The following SLC25A16 variants were observed in gnomAD, a reference collection of about 807,000 sequenced individuals.
SLC25A16 encodes the protein mitochondrial coenzyme A transporter SLC25A16.
In SLC25A16, 39 loss-of-function variants were observed where a neutral mutation model predicts 41.5. The observed-to-expected ratio is 0.94, with a 90% CI of 0.73 to 1.23. SLC25A16 has a LOEUF of 1.23. Ranked by LOEUF, SLC25A16 falls within the 50% of genes most tolerant of loss-of-function variation. The pLI is 0.00. For synonymous variants in SLC25A16, 146 were observed against 147.8 expected (o/e 0.99, Z 0.09); for missense variants, 421 against 426.9 (o/e 0.99, Z 0.12).
Position 68,524,154 on chromosome 10 carries a change from C to A in SLC25A16, c.130+3092G>T, listed in dbSNP as rs374588648. 2.8e-3 allele frequency among the ~76,000 whole-genome samples: 418 copies of A among 151,548 alleles called. 3 individuals are homozygous for A. The highest frequency in any genetic ancestry group is 9.4e-3 in the African/African-American group (388 of 41,308). Reference sequence around the variant, plus strand: ...TGAAACCCCGTCTCTACTAAAAATACAAAAAATTAGCCGGGCGTGGTGGCG... The same window carrying A: ...TGAAACCCCGTCTCTACTAAAAATAAAAAAAATTAGCCGGGCGTGGTGGCG... On this transcript the variant is annotated intron_variant, in intron 1 of 8. Coordinates refer to ENST00000609923, the MANE Select transcript of SLC25A16 (RefSeq NM_152707.4).
intron 4 of SLC25A16, among the ~76,000 whole-genome samples, chr10:68,500,791 G>T (rs928556947): frequency 6.6e-6 from 1 of 151,164 alleles, no homozygotes; most frequent in African/African-American, 2.4e-5. Flanking sequence ...AATTAGCCAG[G>T]TATGTGGCAC....
intron 1 of SLC25A16, among the ~76,000 whole-genome samples, chr10:68,524,862 G>A (rs139925596): frequency 0.024 from 3,678 of 151,684 alleles, 158 homozygotes; most frequent in African/African-American, 0.084. Context: ...GGCCGACAGA[G>A]TGAGACTCCA....
intron 3 of SLC25A16, among the ~76,000 whole-genome samples, chr10:68,505,410 T>G (rs184623384): frequency 6.2e-4 from 95 of 152,174 alleles, no homozygotes; most frequent in African/African-American, 2.2e-3. Flanking sequence ...TAAAAATATA[T>G]TAATATTATA....
At chr10:68,515,629 T>C (rs1477079673) in intron 2 of SLC25A16, among the ~76,000 whole-genome samples, 1 of 151,672 alleles carries the variant, frequency 6.6e-6, no homozygotes, top group East Asian at 2.0e-4. Context: ...AGAAACCCCA[T>C]CTCTACTAAA....
chr10:68,479,477 G>A lies in SLC25A16; in HGVS notation c.*3955C>T, dbSNP rs2052461153. On this transcript the variant is annotated 3_prime_UTR_variant, in exon 9 of 9. Transcript: ENST00000609923. Reference sequence around the variant, plus strand: ...CTGACACAAGGTCTGGCACACAATTGGTGCTGAATAAATGGATGGTCAGTA... The same window carrying A: ...CTGACACAAGGTCTGGCACACAATTAGTGCTGAATAAATGGATGGTCAGTA... 1 of 152,162 alleles carries A rather than the reference G, an allele frequency of 6.6e-6. No individual in the cohort carries two copies. The highest frequency in any genetic ancestry group is 2.4e-5 in the African/African-American group (1 of 41,426). 9.4% of individuals were successfully genotyped at this position (152,162 alleles called of 1,614,324 possible).
At chr10:68,510,480 T>C (rs564178606) in intron 2 of SLC25A16, among the ~76,000 whole-genome samples, 2 of 152,028 alleles carry the variant, frequency 1.3e-5, no homozygotes, top group South Asian at 4.2e-4. Flanking sequence ...AGGCCAAGGT[T>C]GCAGTGAGCC....
chr10:68,515,801 A>AAAAT (rs56896620), intron 2 of SLC25A16, among the ~76,000 whole-genome samples: 95 of 151,660 alleles, frequency 6.3e-4, no homozygotes, highest in Middle Eastern at 6.8e-3. Flanking sequence ...TCTGCCTCAA[A>AAAAT]AAATAAATAA....
At chr10:68,509,743 C>CTATATCTATATATATATCTATA in intron 2 of SLC25A16, among the ~76,000 whole-genome samples, 1 of 144,664 alleles carries the variant, frequency 6.9e-6, no homozygotes, top group Non-Finnish European at 1.5e-5. Flanking sequence ...ATATATATAT[C>CTATATCTATATATATATCTATA]TATATATATA....
intron 4 of SLC25A16, chr10:68,499,705 G>C (rs2052808700): frequency 8.0e-6 from 3 of 373,916 alleles, no homozygotes. Context: ...AGGTCAGGTT[G>C]TATGAGGACA....
chr10:68,486,295 G>C (rs1295436947), intron 8 of SLC25A16, among the ~76,000 whole-genome samples: 2 of 150,406 alleles, frequency 1.3e-5, no homozygotes, highest in East Asian at 4.0e-4. Context: ...AGGTCTCACT[G>C]TGTTGCCTGG....
In SLC25A16 at chr10:68,509,743, C is replaced by CTATATCTATATCTATATCTATATCTA. The variant is rs1564923024; in HGVS notation, c.224-3026_224-3025insTAGATATAGATATAGATATAGATATA. On this transcript the variant is annotated intron_variant, in intron 2 of 8. Coordinates refer to ENST00000609923, the MANE Select transcript of SLC25A16 (RefSeq NM_152707.4). ...TATATCTATCTATCTATATATATAT[C>CTATATCTATATCTATATCTATATCTA]TATATATATAGATATATAGATATAG... Among the ~76,000 whole-genome samples the CTATATCTATATCTATATCTATATCTA allele has an allele frequency of 3.0e-3, 437 of 144,614 alleles. 4 individuals are homozygous for CTATATCTATATCTATATCTATATCTA. The highest frequency in any genetic ancestry group is 0.011 in the African/African-American group (418 of 38,566). The allele number at this position is 144,614 out of a possible 152,430, so 94.9% of individuals were successfully genotyped here.
intron 2 of SLC25A16, among the ~76,000 whole-genome samples, chr10:68,515,182 C>A (rs2053139885): frequency 6.7e-6 from 1 of 149,942 alleles, no homozygotes; most frequent in South Asian, 2.1e-4. Context: ...CATAGAGAAA[C>A]CCCGTCTCTA....
At chr10:68,521,729 G>C in intron 1 of SLC25A16, among the ~76,000 whole-genome samples, 1 of 149,880 alleles carries the variant, frequency 6.7e-6, no homozygotes, top group Non-Finnish European at 1.5e-5. Flanking sequence ...AAGTAGCTGG[G>C]ACTACAGGCG....
intron 4 of SLC25A16, chr10:68,499,562 C>A (rs1225638661): frequency 4.1e-6 from 1 of 243,454 alleles, no homozygotes; most frequent in South Asian, 5.9e-5. Context: ...GACTTCCAAC[C>A]GAGGCAAGAA....
At chr10:68,508,880 GTATCGAGGGGGTTTC>G (rs2053005745) in intron 2 of SLC25A16, among the ~76,000 whole-genome samples, 1 of 152,136 alleles carries the variant, frequency 6.6e-6, no homozygotes, top group Non-Finnish European at 1.5e-5. Context: ...TAAGGTAGAA[GTATCGAGGGGGTTTC>G]AACTACACTG....
chr10:68,494,198 C>T (rs1169832183), intron 4 of SLC25A16, among the ~76,000 whole-genome samples: 1 of 152,162 alleles, frequency 6.6e-6, no homozygotes, highest in Non-Finnish European at 1.5e-5. Context: ...GGCGTGGTGG[C>T]TCACGCCTGT....
intron 8 of SLC25A16, among the ~76,000 whole-genome samples, chr10:68,486,322 T>A (rs1490982685): frequency 6.6e-6 from 1 of 151,782 alleles, no homozygotes; most frequent in Non-Finnish European, 1.5e-5. Context: ...CTTGGACTCC[T>A]GAGCTCAAGT....
chr10:68,497,458 A>G (rs1437526600), intron 4 of SLC25A16, among the ~76,000 whole-genome samples: 4 of 152,162 alleles, frequency 2.6e-5, no homozygotes, highest in African/African-American at 9.7e-5. Context: ...AGTTGTGTGC[A>G]ATCTCTGATG....
At chr10:68,522,939 A>C (rs2664416) in intron 1 of SLC25A16, among the ~76,000 whole-genome samples, 3 of 151,756 alleles carry the variant, frequency 2.0e-5, no homozygotes, top group African/African-American at 7.3e-5. Flanking sequence ...AGTGATAATC[A>C]GGCCACTGCA....
Sources: gnomAD v4.1 joint callset for allele counts (sites outside exome capture counted in the v4.1 genomes callset) on GRCh38, gnomAD v4.1.1 for gene constraint, MANE v1.5 for transcripts, NCBI Gene and HGNC (gene_info 2026-07-23, HGNC 2026-07-21) for gene names.